The following FIG4 variants were observed in gnomAD, a reference collection of about 807,000 sequenced individuals.
FIG4 encodes the protein FIG4 phosphoinositide 5-phosphatase.
Under a neutral mutation model 118.6 loss-of-function variants are expected in FIG4, and 112 were observed. The observed-to-expected ratio is 0.94, with a 90% CI of 0.81 to 1.11. The LOEUF is 1.11. Among genes scored for constraint, FIG4 ranks in the 50% least tolerant of loss-of-function variants. The pLI is 0.00. For synonymous variants in FIG4, 369 were observed against 381.2 expected, an observed-to-expected ratio of 0.97 and a Z score of 0.37; for missense variants, 969 against 1,111.7, an observed-to-expected ratio of 0.87 and a Z score of 1.83.
At chr6:109,799,575 CATAT>C (rs2128398893) in intron 22 of FIG4, among the ~76,000 whole-genome samples, 1 of 152,342 alleles carries the variant, frequency 6.6e-6, no homozygotes, top group East Asian at 1.9e-4. Context: ...AGTTCATACA[CATAT>C]GCATCTACCC....
chr6:109,795,919 A>T (rs17070972), intron 21 of FIG4, among the ~76,000 whole-genome samples: 13,955 of 152,126 alleles, frequency 0.092, 1,397 homozygotes, highest in African/African-American at 0.25. Context: ...AGTTCTTCAG[A>T]CCTGCCCTGT....
At chr6:109,703,072 T>C (rs1399255527) in intron 1 of FIG4, among the ~76,000 whole-genome samples, 2 of 151,528 alleles carry the variant, frequency 1.3e-5, no homozygotes, top group African/African-American at 4.8e-5. Context: ...CTTTAATTAC[T>C]TCATGAGAAA....
At chr6:109,784,102 ATC>A (rs1048436047) in intron 16 of FIG4, among the ~76,000 whole-genome samples, 1 of 151,958 alleles carries the variant, frequency 6.6e-6, no homozygotes, top group African/African-American at 2.4e-5. Context: ...TTATATTAAA[ATC>A]TCTTTTTAGC....
intron 13 of FIG4, 38 bp downstream of exon 13, chr6:109,764,020 G>T: frequency 7.4e-7 from 1 of 1,343,738 alleles, no homozygotes; most frequent in Non-Finnish European, 1.1e-6. Context: ...AATAGAATCT[G>T]TATCCATTGT....
At chr6:109,702,650 T>C (rs1221461163) in intron 1 of FIG4, among the ~76,000 whole-genome samples, 1 of 133,172 alleles carries the variant, frequency 7.5e-6, no homozygotes, top group East Asian at 2.2e-4. Flanking sequence ...TGTGCTCCAG[T>C]TACTGCTCCC....
intron 4 of FIG4, among the ~76,000 whole-genome samples, chr6:109,732,430 C>T (rs1317576429): frequency 6.6e-6 from 1 of 152,164 alleles, no homozygotes; most frequent in Admixed American, 6.6e-5. Flanking sequence ...TGGTAAGGAA[C>T]AGCCAAACTA....
chr6:109,824,415 G>T (rs1420172384), intron 22 of FIG4, among the ~76,000 whole-genome samples: 2 of 152,172 alleles, frequency 1.3e-5, no homozygotes, highest in East Asian at 3.9e-4. Flanking sequence ...AAGTGGGGGT[G>T]ATTATTGTCA....
chr6:109,791,124 A>AT (rs1345640916), intron 19 of FIG4, among the ~76,000 whole-genome samples: 1 of 152,142 alleles, frequency 6.6e-6, no homozygotes, highest in East Asian at 1.9e-4. Context: ...TGGTGAGAAG[A>AT]TTTTTTCACG....
chr6:109,751,757 G>T (rs1020179176), intron 10 of FIG4, among the ~76,000 whole-genome samples: 1 of 150,228 alleles, frequency 6.7e-6, no homozygotes, highest in Non-Finnish European at 1.5e-5. Flanking sequence ...GATCAGTGAT[G>T]ATCTACCCTT....
chr6:109,777,148 A>G (rs927438248), intron 16 of FIG4, 88 bp downstream of exon 16: 1 of 1,250,200 alleles, frequency 8.0e-7, no homozygotes, highest in South Asian at 1.4e-5. Flanking sequence ...ATCATAGGCT[A>G]AAATAGTCAG....
intron 7 of FIG4, among the ~76,000 whole-genome samples, chr6:109,740,708 C>T (rs6942171): frequency 0.28 from 43,239 of 151,986 alleles, 6,639 homozygotes; most frequent in Non-Finnish European, 0.35. Context: ...TTAAATGACA[C>T]ATGTTCTCTT....
At position 109,820,517 on chromosome 6, in the gene FIG4, G is replaced by T. The variant is rs189995083; in HGVS notation, c.2547-4571G>T. On this transcript the variant is annotated intron_variant, in intron 22 of 22. Coordinates refer to ENST00000230124, the MANE Select transcript of FIG4 (RefSeq NM_014845.6). ...CGGCAAGAGTAGACGTGGGAGTTGAGCTGGGAAAGAGCTTCTCTGAGAGCA... is the reference window on the plus strand; with the variant it reads ...CGGCAAGAGTAGACGTGGGAGTTGATCTGGGAAAGAGCTTCTCTGAGAGCA... Among the ~76,000 whole-genome samples, 8 of 152,202 alleles carry T rather than the reference G, an allele frequency of 5.3e-5. No individual in the cohort carries two copies. The East Asian group carries it at 1.2e-3, about 22-fold the overall frequency.
intron 22 of FIG4, among the ~76,000 whole-genome samples, chr6:109,814,241 C>T (rs557247342): frequency 6.6e-6 from 1 of 152,098 alleles, no homozygotes; most frequent in Non-Finnish European, 1.5e-5. Flanking sequence ...CCGGCTCAAG[C>T]GATACTCCCA....
At chr6:109,790,897 A>T (rs924875515) in intron 19 of FIG4, among the ~76,000 whole-genome samples, 21 of 152,306 alleles carry the variant, frequency 1.4e-4, no homozygotes, top group Admixed American at 1.2e-3. Context: ...AATGTAGTTT[A>T]TGTTCATCAG....
At chr6:109,808,507 C>T (rs1778634374) in intron 22 of FIG4, among the ~76,000 whole-genome samples, 1 of 152,096 alleles carries the variant, frequency 6.6e-6, no homozygotes, top group African/African-American at 2.4e-5. Flanking sequence ...TAAGGCACTT[C>T]TTGCATATCA....
chr6:109,788,259 C>T lies in FIG4; in HGVS notation c.2097-1335C>T, dbSNP rs1778040617. Among the ~76,000 whole-genome samples, 6 of 152,314 alleles carry T rather than the reference C, an allele frequency of 3.9e-5. No individual in the cohort carries two copies. The South Asian group carries it at 1.2e-3, about 32-fold the overall frequency. Reference sequence around the variant, plus strand: ...TTAACATAACACTCATGGCCAACAGCACTATAGCTCATGCCTGAATGAAGC... The same window carrying T: ...TTAACATAACACTCATGGCCAACAGTACTATAGCTCATGCCTGAATGAAGC... On this transcript the variant is annotated intron_variant, in intron 18 of 22. Coordinates refer to ENST00000230124, the MANE Select transcript of FIG4 (RefSeq NM_014845.6).
Position 109,716,567 on chromosome 6 carries a change from G to C in FIG4, c.288G>C (p.Val96=). 1 of 1,613,612 alleles carries C rather than the reference G, an allele frequency of 6.2e-7. No homozygotes were observed. Among genetic ancestry groups the C allele is most frequent in the Non-Finnish European group, 8.5e-7 (1 of 1,179,678 alleles). Residue 96 remains valine, a splice_region_variant and synonymous_variant, in exon 3 of 23, where the codon GTG becomes GTC. Transcript: ENST00000230124. Reference sequence around the variant, plus strand: ...GAGCGGTTTCAGCTTTTGGTGTTGTGGGTAAGAAATCTGCCCCCCTTCTTA... The same window carrying C: ...GAGCGGTTTCAGCTTTTGGTGTTGTCGGTAAGAAATCTGCCCCCCTTCTTA... ...LFRAVSAFGV[V]GFVRFLEGYY...
chr6:109,713,040 C>T (rs1278989040), intron 1 of FIG4, among the ~76,000 whole-genome samples: 1 of 152,166 alleles, frequency 6.6e-6, no homozygotes, highest in East Asian at 1.9e-4. Context: ...TGTGCTCTAA[C>T]TCTGGAATAC....
At chr6:109,720,594 G>C (rs1396458861) in intron 3 of FIG4, among the ~76,000 whole-genome samples, 1 of 152,148 alleles carries the variant, frequency 6.6e-6, no homozygotes, top group Non-Finnish European at 1.5e-5. Flanking sequence ...TAAAACACGA[G>C]TTTAATACTA....
Sources: allele counts gnomAD v4.1 joint callset (sites outside exome capture counted in the v4.1 genomes callset), GRCh38; gene constraint gnomAD v4.1.1; transcripts MANE v1.5; gene names NCBI Gene and HGNC (gene_info 2026-07-23, HGNC 2026-07-21).